The following TMEM132C variants were observed in gnomAD, a reference collection of about 807,000 sequenced individuals.
TMEM132C encodes transmembrane protein 132C.
TMEM132C carries 29 observed loss-of-function variants against 61.4 expected under a neutral mutation model. The ratio of observed to expected loss-of-function variants is 0.47; its 90% CI spans 0.35 to 0.64. The LOEUF is 0.64. TMEM132C is among the 30% of genes least tolerant of loss of function. The pLI, the probability that TMEM132C is intolerant of heterozygous loss-of-function variation, is 0.00. For missense variants in TMEM132C, 1,408 were observed against 1,476.9 expected (o/e 0.95, Z 0.76); for synonymous variants, 656 against 633.1 (o/e 1.04, Z -0.54).
At chr12:128,495,030 T>G (rs1871893379) in intron 2 of TMEM132C, among the ~76,000 whole-genome samples, 1 of 127,716 alleles carries the variant, frequency 7.8e-6, no homozygotes. Flanking sequence ...GTTCCAGAGA[T>G]TCTGGTATGT....
chr12:128,575,824 G>A (rs147861058), intron 3 of TMEM132C, among the ~76,000 whole-genome samples: 24 of 152,318 alleles, frequency 1.6e-4, no homozygotes, highest in African/African-American at 4.3e-4. Flanking sequence ...TGTTCCAAAC[G>A]TGGCACAGTT....
intron 2 of TMEM132C, among the ~76,000 whole-genome samples, chr12:128,522,244 G>A (rs6486695): frequency 0.93 from 141,837 of 152,270 alleles, 66,827 homozygotes; most frequent in East Asian, 1. Flanking sequence ...GGAAGCTGCT[G>A]CTGCACTCAG....
chr12:128,642,106 T>C (rs113238467), intron 4 of TMEM132C, among the ~76,000 whole-genome samples: 10,224 of 151,602 alleles, frequency 0.067, 462 homozygotes, highest in Non-Finnish European at 0.098. Context: ...CCCAGCTTAT[T>C]TCCCATTTTT....
chr12:128,615,375 G>T (rs1476748194), intron 3 of TMEM132C, among the ~76,000 whole-genome samples: 2 of 152,138 alleles, frequency 1.3e-5, no homozygotes, highest in Non-Finnish European at 2.9e-5. Flanking sequence ...ACATTGTAAT[G>T]ATAATGAATA....
intron 3 of TMEM132C, 37 bp downstream of exon 3, chr12:128,544,140 T>C (rs1258709768): frequency 2.2e-6 from 3 of 1,353,980 alleles, no homozygotes; most frequent in East Asian, 2.6e-5. Flanking sequence ...GTGTGGTTCC[T>C]GGTCCCGGGC....
intron 1 of TMEM132C, among the ~76,000 whole-genome samples, chr12:128,324,667 C>T (rs1284774268): frequency 3.3e-5 from 5 of 152,094 alleles, no homozygotes; most frequent in Non-Finnish European, 7.4e-5. Context: ...CAAGACCAGC[C>T]AGGGCAACAT....
chr12:128,681,817 A>ATTTTTTTTTT (rs35154554), intron 5 of TMEM132C, among the ~76,000 whole-genome samples: 2,535 of 86,368 alleles, frequency 0.029, no homozygotes, highest in Non-Finnish European at 0.033. Flanking sequence ...CCACGCCTGG[A>ATTTTTTTTTT]TTTTTTTTTT....
At chr12:128,458,333 T>C (rs911666095) in intron 2 of TMEM132C, among the ~76,000 whole-genome samples, 1 of 149,008 alleles carries the variant, frequency 6.7e-6, no homozygotes, top group African/African-American at 2.4e-5. Context: ...ATATTTATTA[T>C]AGTATATATT....
In TMEM132C at chr12:128,344,940, TTTA is replaced by T. The variant is rs1459618829; in HGVS notation, c.86-69791_86-69789del. ...AGATGAGTTTCTTTTTTTTTTTTTT[TTTA>T]AATTTCCAGCTTTTATTTTAAGTTC... On this transcript the variant is annotated intron_variant, in intron 1 of 8. Coordinates refer to ENST00000435159, the MANE Select transcript of TMEM132C (RefSeq NM_001136103.3). 1.3e-3 allele frequency among the ~76,000 whole-genome samples: 195 copies of T among 151,378 alleles called. 1 individual carries two copies. Among genetic ancestry groups the T allele is most frequent in the African/African-American group, 4.4e-3 (183 of 41,352 alleles).
chr12:128,439,596 T>C (rs968062475), intron 2 of TMEM132C, among the ~76,000 whole-genome samples: 1 of 152,174 alleles, frequency 6.6e-6, no homozygotes, highest in Non-Finnish European at 1.5e-5. Flanking sequence ...TCCAGAAAAT[T>C]TGTGAAGAAG....
chr12:128,450,830 A>G (rs1317857815), intron 2 of TMEM132C, among the ~76,000 whole-genome samples: 4 of 152,228 alleles, frequency 2.6e-5, no homozygotes, highest in Admixed American at 2.0e-4. Flanking sequence ...TGCTCTGATT[A>G]TGACGAGTTA....
At position 128,582,319 on chromosome 12, in the gene TMEM132C, A is replaced by G. The variant is rs149707684; in HGVS notation, c.1122-33833A>G. Among the ~76,000 whole-genome samples the G allele has an allele frequency of 4.1e-3, 630 of 152,290 alleles. 6 individuals are homozygous for G. In the South Asian group the frequency reaches 0.042, roughly 10 times the overall value. ...AAGATTTCATTTCAGGTCAGTGTCA[A>G]TTCAAGCATTTCATAATCTCACAGG... On this transcript the variant is annotated intron_variant, in intron 3 of 8. Transcript: ENST00000435159.
intron 4 of TMEM132C, among the ~76,000 whole-genome samples, chr12:128,652,036 CAGTCCAGA>C (rs923645770): frequency 6.6e-6 from 1 of 152,220 alleles, no homozygotes; most frequent in Non-Finnish European, 1.5e-5. Flanking sequence ...CCCTTCTCCA[CAGTCCAGA>C]AGTCACATGC....
Position 128,669,496 on chromosome 12 carries a change from A to C in TMEM132C, c.1385A>C (p.Asn462Thr). Residue 462 changes from asparagine (N) to threonine (T), a missense_variant, in exon 5 of 9, where the codon AAC (asparagine) becomes ACC (threonine). Asn to Thr is a moderately conservative substitution (Grantham distance 65). Transcript: ENST00000435159. ...MPIKVVSVEE[N>T]SAVMDISESV... ...ATCAAGGTGGTCTCTGTGGAGGAGA[A>C]CAGTGCCGTGATGGACATCTCAGAG... 1 of 1,551,720 alleles carries C rather than the reference A, an allele frequency of 6.4e-7. No homozygotes were observed. The highest frequency in any genetic ancestry group is 8.7e-7 in the Non-Finnish European group (1 of 1,146,990).
intron 3 of TMEM132C, among the ~76,000 whole-genome samples, chr12:128,583,396 A>C (rs566071368): frequency 6.6e-6 from 1 of 151,946 alleles, no homozygotes; most frequent in South Asian, 2.1e-4. Context: ...ATTGGTCAAA[A>C]AAAAAAAAAA....
Position 128,415,718 on chromosome 12 carries a change from A to G in TMEM132C, c.974+98A>G. The G allele has an allele frequency of 7.3e-7, 1 of 1,367,492 alleles. No homozygotes were observed. The highest frequency in any genetic ancestry group is 9.7e-7 in the Non-Finnish European group (1 of 1,027,806). The allele number at this position is 1,367,492 out of a possible 1,614,324, so 84.7% of individuals were successfully genotyped here. A position where few individuals can be genotyped will look rare whatever the true frequency, so the allele number is the denominator to read the frequency against. Reference sequence around the variant, plus strand: ...AGATATTCAGGAAGCATCGATTTTCACTACCTTCAGGGACCGTTTGGCATT... The same window carrying G: ...AGATATTCAGGAAGCATCGATTTTCGCTACCTTCAGGGACCGTTTGGCATT... On this transcript the variant is annotated intron_variant, in intron 2 of 8. Transcript: ENST00000435159. This position sits in a 1 kb window ranked among gnomAD's most constrained non-coding sequence, Gnocchi z 5.8.
intron 1 of TMEM132C, among the ~76,000 whole-genome samples, chr12:128,409,456 C>T (rs79857148): frequency 0.036 from 5,515 of 152,206 alleles, 326 homozygotes; most frequent in African/African-American, 0.12. Context: ...ATGACAGCAA[C>T]ACTGGGGCTG....
rs1374147466 is a variant in TMEM132C, at chr12:128,573,333, T to C, written c.1121+29230T>C. On this transcript the variant is annotated intron_variant, in intron 3 of 8. Coordinates refer to ENST00000435159, the MANE Select transcript of TMEM132C (RefSeq NM_001136103.3). Reference sequence around the variant, plus strand: ...TGGATGAAGCTGGAAACCATCATTCTGAGCAAACTATCACAAGGACAGAAA... The same window carrying C: ...TGGATGAAGCTGGAAACCATCATTCCGAGCAAACTATCACAAGGACAGAAA... Among the ~76,000 whole-genome samples, 5 of 152,230 alleles carry C rather than the reference T, an allele frequency of 3.3e-5. No homozygotes were observed. The South Asian group carries it at 1.0e-3, about 32-fold the overall frequency.
chr12:128,411,847 T>A (rs192318094), intron 1 of TMEM132C, among the ~76,000 whole-genome samples: 2 of 152,322 alleles, frequency 1.3e-5, no homozygotes, highest in South Asian at 2.1e-4. Flanking sequence ...CCAATCCCAT[T>A]CTAACCCACT....
Sources: gnomAD v4.1 joint callset for allele counts (sites outside exome capture counted in the v4.1 genomes callset) on GRCh38, gnomAD v4.1.1 for gene constraint, Gnocchi (gnomAD v3.1) non-coding constraint, MANE v1.5 for transcripts, NCBI Gene and HGNC (gene_info 2026-07-23, HGNC 2026-07-21) for gene names.